Variants in SLC9A9 observed in about 807,000 individuals in gnomAD.
The protein encoded by SLC9A9 is sodium/hydrogen exchanger 9.
A neutral mutation model predicts 77.8 loss-of-function variants in SLC9A9; 62 were observed. The ratio of observed to expected loss-of-function variants is 0.80; its 90% CI spans 0.65 to 0.98. The LOEUF (loss-of-function observed/expected upper bound fraction) is 0.98. SLC9A9 is among the 50% of genes least tolerant of loss of function. SLC9A9 has a pLI of 0.00. For synonymous variants in SLC9A9, 320 were observed against 283.5 expected (o/e 1.13, Z -1.29); for missense variants, 775 against 774.9 (o/e 1.00, Z 0.00).
chr3:143,399,126 G>A (rs1008970241), intron 12 of SLC9A9, among the ~76,000 whole-genome samples: 7 of 151,900 alleles, frequency 4.6e-5, no homozygotes, highest in African/African-American at 7.3e-5. Context: ...TCAAAAATAC[G>A]TCTTAATAAT....
intron 9 of SLC9A9, chr3:143,517,704 C>A: frequency 1.3e-6 from 2 of 1,597,682 alleles, no homozygotes; most frequent in Non-Finnish European, 1.7e-6. Context: ...GGATTTATTT[C>A]AATGGCTCTG....
At chr3:143,790,646 T>C (rs1187583636) in intron 4 of SLC9A9, among the ~76,000 whole-genome samples, 1 of 152,182 alleles carries the variant, frequency 6.6e-6, no homozygotes, top group East Asian at 1.9e-4. Flanking sequence ...CTGTATAATC[T>C]TGGACAAGTC....
At chr3:143,600,362 T>C (rs1442807604) in intron 6 of SLC9A9, among the ~76,000 whole-genome samples, 1 of 152,192 alleles carries the variant, frequency 6.6e-6, no homozygotes, top group African/African-American at 2.4e-5. Context: ...ATGTGGCACA[T>C]ATACACCATG....
intron 6 of SLC9A9, among the ~76,000 whole-genome samples, chr3:143,606,430 C>CTATATATA (rs745429920): frequency 1.6e-3 from 102 of 63,284 alleles, no homozygotes; most frequent in South Asian, 2.3e-3. Flanking sequence ...CTCTCTCTCT[C>CTATATATA]TCTCTCTATA....
At chr3:143,434,937 T>C (rs2034593540) in intron 12 of SLC9A9, among the ~76,000 whole-genome samples, 1 of 152,162 alleles carries the variant, frequency 6.6e-6, no homozygotes, top group Non-Finnish European at 1.5e-5. Context: ...TCCCTGCCGC[T>C]GCTCATTTTA....
intron 2 of SLC9A9, among the ~76,000 whole-genome samples, chr3:143,820,791 T>C (rs1449305037): frequency 6.6e-6 from 1 of 150,816 alleles, no homozygotes; most frequent in African/African-American, 2.4e-5. Flanking sequence ...TCTTTCTTTT[T>C]TCCAATCTAG....
At chr3:143,690,364 G>T (rs1323350670) in intron 5 of SLC9A9, among the ~76,000 whole-genome samples, 7 of 152,010 alleles carry the variant, frequency 4.6e-5, no homozygotes, top group Admixed American at 3.9e-4. Flanking sequence ...TTAAAAAAAG[G>T]TCTAAAAACA....
intron 6 of SLC9A9, among the ~76,000 whole-genome samples, chr3:143,622,568 G>A (rs1363643814): frequency 6.6e-6 from 1 of 152,174 alleles, no homozygotes; most frequent in African/African-American, 2.4e-5. Flanking sequence ...AAAATGCTGA[G>A]AGATTTTGTC....
At chr3:143,737,085 G>A (rs1161412443) in intron 4 of SLC9A9, among the ~76,000 whole-genome samples, 1 of 152,142 alleles carries the variant, frequency 6.6e-6, no homozygotes, top group Non-Finnish European at 1.5e-5. Context: ...TAATAACTCA[G>A]TAGACTTCAT....
intron 9 of SLC9A9, among the ~76,000 whole-genome samples, chr3:143,512,483 T>C (rs1413770608): frequency 6.6e-6 from 1 of 152,218 alleles, no homozygotes; most frequent in Non-Finnish European, 1.5e-5. Context: ...AATATAGCAA[T>C]AAAATGAGTC....
chr3:143,280,592 C>A (rs113369291), intron 14 of SLC9A9, among the ~76,000 whole-genome samples: 1 of 147,692 alleles, frequency 6.8e-6, no homozygotes, highest in Non-Finnish European at 1.5e-5. Context: ...TGATTTTGCC[C>A]AGGCTGGCGA....
intron 2 of SLC9A9, among the ~76,000 whole-genome samples, chr3:143,798,798 C>T (rs2008463549): frequency 1.3e-5 from 2 of 152,252 alleles, no homozygotes; most frequent in South Asian, 4.2e-4. Context: ...TCTCTGTTCC[C>T]ATGCAACTTG....
At chr3:143,357,224 G>A (rs79314387) in intron 14 of SLC9A9, among the ~76,000 whole-genome samples, 5,819 of 152,216 alleles carry the variant, frequency 0.038, 180 homozygotes, top group East Asian at 0.17. Context: ...ATTTTAGTTT[G>A]TGGCTCTCCT....
chr3:143,434,524 A>G (rs1034134645), intron 12 of SLC9A9, among the ~76,000 whole-genome samples: 1 of 152,044 alleles, frequency 6.6e-6, no homozygotes, highest in South Asian at 2.1e-4. Context: ...ACTTCTAACC[A>G]CCGTAGCCCC....
At chr3:143,432,918 G>T (rs973709834) in intron 12 of SLC9A9, among the ~76,000 whole-genome samples, 2 of 152,166 alleles carry the variant, frequency 1.3e-5, no homozygotes, top group Non-Finnish European at 2.9e-5. Flanking sequence ...AAGCTACTGC[G>T]CCTGGCCTCT....
chr3:143,473,936 G>A (rs2035421037), intron 11 of SLC9A9, among the ~76,000 whole-genome samples: 1 of 152,176 alleles, frequency 6.6e-6, no homozygotes, highest in Non-Finnish European at 1.5e-5. Context: ...TAATTTAAAG[G>A]TGTTTCTAGG....
chr3:143,308,121 G>T (rs947274728), intron 14 of SLC9A9, among the ~76,000 whole-genome samples: 2 of 152,180 alleles, frequency 1.3e-5, no homozygotes, highest in Non-Finnish European at 2.9e-5. Context: ...CCTGACCACT[G>T]ATTCTGTTTC....
intron 9 of SLC9A9, among the ~76,000 whole-genome samples, chr3:143,539,688 A>T (rs1464276565): frequency 6.6e-6 from 1 of 152,168 alleles, no homozygotes; most frequent in Admixed American, 6.5e-5. Context: ...TTTTAAGGTA[A>T]TAGTGGGCGA....
intron 9 of SLC9A9, among the ~76,000 whole-genome samples, chr3:143,497,336 C>T (rs1308406301): frequency 6.6e-6 from 1 of 152,168 alleles, no homozygotes; most frequent in Non-Finnish European, 1.5e-5. Flanking sequence ...TCCCTACTCT[C>T]AGCCCATGTG....
Sources: gnomAD v4.1 joint callset for allele counts (sites outside exome capture counted in the v4.1 genomes callset) on GRCh38, gnomAD v4.1.1 for gene constraint, MANE v1.5 for transcripts, NCBI Gene and HGNC (gene_info 2026-07-23, HGNC 2026-07-21) for gene names.